Variants in SLC25A21 observed in about 807,000 individuals in gnomAD.
The protein encoded by SLC25A21 is solute carrier family 25 member 21.
A neutral mutation model predicts 43.8 loss-of-function variants in SLC25A21; 47 were observed. That is an observed-to-expected ratio of 1.07 (90% CI 0.85 to 1.37). The LOEUF is 1.37. SLC25A21 is among the 40% of genes most tolerant of loss of function. SLC25A21 has a pLI of 0.00. For missense variants in SLC25A21, 352 were observed against 350.2 expected (o/e 1.00, Z -0.04); for synonymous variants, 131 against 121.3 (o/e 1.08, Z -0.52).
intron 1 of SLC25A21, among the ~76,000 whole-genome samples, chr14:36,991,845 T>C (rs147681572): frequency 2.0e-5 from 3 of 152,274 alleles, no homozygotes; most frequent in African/African-American, 7.2e-5. Context: ...CCACTCAGGA[T>C]AGACAGAAAG....
At chr14:36,687,508 T>C (rs1463964607) in intron 7 of SLC25A21, among the ~76,000 whole-genome samples, 2 of 152,168 alleles carry the variant, frequency 1.3e-5, no homozygotes, top group African/African-American at 4.8e-5. Flanking sequence ...AAGCAGATGG[T>C]CAGTTGCTAC....
At chr14:36,846,759 T>C (rs1295550880) in intron 2 of SLC25A21, among the ~76,000 whole-genome samples, 1 of 152,192 alleles carries the variant, frequency 6.6e-6, no homozygotes, top group Non-Finnish European at 1.5e-5. Context: ...ATAGCAAATG[T>C]CAGACACAGG....
At position 37,153,466 on chromosome 14, in the gene SLC25A21, A is replaced by G. The variant is rs533112056; in HGVS notation, c.70+18815T>C. Reference sequence around the variant, plus strand: ...CAGAGACTGGCATGTAAGTGAGCAGAATGAGTTGCTGGTGGGACTTGGTTG... The same window carrying G: ...CAGAGACTGGCATGTAAGTGAGCAGGATGAGTTGCTGGTGGGACTTGGTTG... On this transcript the variant is annotated intron_variant, in intron 1 of 9. Coordinates refer to ENST00000331299, the MANE Select transcript of SLC25A21 (RefSeq NM_030631.4). Among the ~76,000 whole-genome samples, 3 of 152,306 alleles carry G rather than the reference A, an allele frequency of 2.0e-5. No homozygotes were observed. The South Asian group carries it at 6.2e-4, about 32-fold the overall frequency.
At chr14:36,723,303 G>A (rs1884450876) in intron 6 of SLC25A21, among the ~76,000 whole-genome samples, 2 of 152,206 alleles carry the variant, frequency 1.3e-5, no homozygotes, top group Admixed American at 6.5e-5. Flanking sequence ...CCCATAATGT[G>A]CCACATCAAA....
At chr14:36,741,050 C>T (rs1409646643) in intron 3 of SLC25A21, among the ~76,000 whole-genome samples, 1 of 152,098 alleles carries the variant, frequency 6.6e-6, no homozygotes, top group Non-Finnish European at 1.5e-5. Flanking sequence ...AAATTTGACT[C>T]AGGTAAAGAA....
chr14:37,162,525 A>C (rs1161121530), intron 1 of SLC25A21, among the ~76,000 whole-genome samples: 4 of 152,214 alleles, frequency 2.6e-5, no homozygotes, highest in Non-Finnish European at 5.9e-5. Flanking sequence ...ATGCAGCCAA[A>C]AAACACACGA....
intron 3 of SLC25A21, among the ~76,000 whole-genome samples, chr14:36,758,708 G>A (rs1182895447): frequency 6.6e-6 from 1 of 152,016 alleles, no homozygotes; most frequent in Non-Finnish European, 1.5e-5. Flanking sequence ...CAGTTGAGAA[G>A]AGAAATGATC....
intron 3 of SLC25A21, among the ~76,000 whole-genome samples, chr14:36,783,912 TCCCACCCCAA>T (rs1887160332): frequency 6.6e-6 from 1 of 152,130 alleles, no homozygotes; most frequent in Non-Finnish European, 1.5e-5. Context: ...GTACCCGACT[TCCCACCCCAA>T]GAGCCTTCAG....
chr14:37,169,567 A>G (rs1366899706), intron 1 of SLC25A21, among the ~76,000 whole-genome samples: 1 of 112,710 alleles, frequency 8.9e-6, no homozygotes, highest in East Asian at 2.7e-4. Flanking sequence ...GGCCTTTACA[A>G]ACAAAAGGTC....
At chr14:36,934,773 TTA>T (rs1447242614) in intron 1 of SLC25A21, among the ~76,000 whole-genome samples, 2 of 152,056 alleles carry the variant, frequency 1.3e-5, no homozygotes, top group Non-Finnish European at 2.9e-5. Flanking sequence ...TTAAAACTTT[TTA>T]TATGTTGGTG....
chr14:37,095,773 AATGTATAT>A (rs1039130988), intron 1 of SLC25A21, among the ~76,000 whole-genome samples: 8 of 147,166 alleles, frequency 5.4e-5, no homozygotes, highest in African/African-American at 7.6e-5. Flanking sequence ...TCTTTAAAAA[AATGTATAT>A]ATGTATATAT....
At chr14:36,681,795 T>C (rs1882277504) in intron 9 of SLC25A21, among the ~76,000 whole-genome samples, 1 of 152,186 alleles carries the variant, frequency 6.6e-6, no homozygotes, top group Non-Finnish European at 1.5e-5. Flanking sequence ...AAGATAATTA[T>C]CTGCCTGTAA....
chr14:36,782,985 T>TA (rs927328851), intron 3 of SLC25A21, among the ~76,000 whole-genome samples: 3 of 146,508 alleles, frequency 2.0e-5, no homozygotes, highest in African/African-American at 5.0e-5. Flanking sequence ...AAATAAAAAA[T>TA]AAAAAAAATA....
chr14:36,793,305 G>A (rs1887556497), intron 3 of SLC25A21, among the ~76,000 whole-genome samples: 1 of 152,138 alleles, frequency 6.6e-6, no homozygotes, highest in South Asian at 2.1e-4. Context: ...GGGGAATGAA[G>A]AAATAGATAA....
chr14:36,959,919 G>A (rs1002268268), intron 1 of SLC25A21, among the ~76,000 whole-genome samples: 1 of 152,138 alleles, frequency 6.6e-6, no homozygotes. Context: ...GCTTCTTGCT[G>A]ATCATATAAT....
intron 7 of SLC25A21, among the ~76,000 whole-genome samples, chr14:36,710,524 G>C (rs1236932851): frequency 6.6e-6 from 1 of 152,106 alleles, no homozygotes; most frequent in African/African-American, 2.4e-5. Context: ...TTGAACTCCT[G>C]GGCTCAAGCG....
intron 1 of SLC25A21, among the ~76,000 whole-genome samples, chr14:37,019,621 G>A (rs927082226): frequency 6.6e-6 from 1 of 150,396 alleles, no homozygotes; most frequent in Non-Finnish European, 1.5e-5. Context: ...GGGAAATGAG[G>A]AAGGTCATTC....
Position 36,680,476 on chromosome 14 carries a change from T to A in SLC25A21, c.*182A>T. ...TTTTTTCTTCTCACAGTTTTATTTATACAGCCAAAACTATAATCTCAAGTT... is the reference window on the plus strand; with the variant it reads ...TTTTTTCTTCTCACAGTTTTATTTAAACAGCCAAAACTATAATCTCAAGTT... On this transcript the variant is annotated 3_prime_UTR_variant, in exon 10 of 10. Coordinates refer to ENST00000331299, the MANE Select transcript of SLC25A21 (RefSeq NM_030631.4). The A allele has an allele frequency of 1.6e-6, 2 of 1,228,944 alleles. No homozygotes were observed. Among genetic ancestry groups the A allele is most frequent in the Non-Finnish European group, 2.0e-6 (2 of 982,838 alleles). 76.1% of individuals were successfully genotyped at this position (1,228,944 alleles called of 1,614,324 possible).
At chr14:37,113,496 C>G (rs902553576) in intron 1 of SLC25A21, among the ~76,000 whole-genome samples, 2 of 152,086 alleles carry the variant, frequency 1.3e-5, no homozygotes, top group Non-Finnish European at 2.9e-5. Flanking sequence ...TTTCTTTCCC[C>G]AGAGTCTTTT....
Sources: allele counts gnomAD v4.1 joint callset (sites outside exome capture counted in the v4.1 genomes callset), GRCh38; gene constraint gnomAD v4.1.1; transcripts MANE v1.5; gene names NCBI Gene and HGNC (gene_info 2026-07-23, HGNC 2026-07-21).